ZNF69: variants seen among roughly 807,000 people sequenced by gnomAD.
ZNF69 encodes zinc finger protein 69.
A neutral mutation model predicts 50.9 loss-of-function variants in ZNF69; 47 were observed. That is an observed-to-expected ratio of 0.92 (90% CI 0.73 to 1.18). The LOEUF (loss-of-function observed/expected upper bound fraction) is 1.18. Ranked by LOEUF, ZNF69 falls within the 50% of genes most tolerant of loss-of-function variation. The pLI, the probability that ZNF69 is intolerant of heterozygous loss-of-function variation, is 0.00. For synonymous variants in ZNF69, 216 were observed against 223.1 expected (o/e 0.97, Z 0.29); for missense variants, 717 against 675.1 (o/e 1.06, Z -0.69).
chr19:11,973,429 G>T, the ZNF69 span, among the ~76,000 whole-genome samples: 2 of 151,848 alleles, frequency 1.3e-5, no homozygotes, highest in Non-Finnish European at 2.9e-5. Flanking sequence ...TGAGAGACAG[G>T]GTCTCAAACT....
At chr19:11,967,861 G>T in the ZNF69 span, among the ~76,000 whole-genome samples, 2 of 152,210 alleles carry the variant, frequency 1.3e-5, no homozygotes, top group Non-Finnish European at 2.9e-5. Context: ...GTGCCTACGT[G>T]CATGTGGGCT....
At chr19:11,896,280 G>C (rs931800005) in intron 1 of ZNF69, among the ~76,000 whole-genome samples, 6 of 146,390 alleles carry the variant, frequency 4.1e-5, no homozygotes, top group African/African-American at 1.5e-4. Context: ...TTTTCCATTG[G>C]TCTATCTTTC....
chr19:11,942,549 C>T, the ZNF69 span, among the ~76,000 whole-genome samples: 5 of 152,124 alleles, frequency 3.3e-5, no homozygotes, highest in East Asian at 1.9e-4. Flanking sequence ...AGCAGACTTG[C>T]GTCTTAAAAA....
At chr19:11,943,366 G>A in the ZNF69 span, among the ~76,000 whole-genome samples, 16 of 152,150 alleles carry the variant, frequency 1.1e-4, no homozygotes, top group Non-Finnish European at 2.1e-4. Flanking sequence ...TTGATAGATA[G>A]CATTTTTCAT....
At chr19:11,924,967 A>G in the ZNF69 span, 1 of 445,486 alleles carries the variant, frequency 2.2e-6, no homozygotes. Context: ...AGAATCCGTC[A>G]GTCTGGCTCT....
intron 1 of ZNF69, among the ~76,000 whole-genome samples, chr19:11,890,114 G>A (rs1475627977): frequency 6.6e-6 from 1 of 152,196 alleles, no homozygotes; most frequent in Non-Finnish European, 1.5e-5. Context: ...ACGAGCAGGA[G>A]ACAGAAGCCT....
chr19:11,925,168 C>G, the ZNF69 span: 1 of 1,608,656 alleles, frequency 6.2e-7, no homozygotes, highest in East Asian at 2.2e-5. Context: ...CGAGAGGGAC[C>G]TGGTGCCTGT....
the ZNF69 span, among the ~76,000 whole-genome samples, chr19:11,964,300 C>T: frequency 1.3e-5 from 2 of 152,182 alleles, no homozygotes; most frequent in Non-Finnish European, 2.9e-5. Flanking sequence ...TGTTGTACCT[C>T]TGGAGCCTGG....
chr19:11,905,392 A>G lies in ZNF69; in HGVS notation c.995A>G (p.Tyr332Cys), dbSNP rs769352015. The change falls in exon 4 of 4, where the codon TAT (tyrosine) becomes TGT (cysteine). Residue 332 changes from tyrosine to cysteine, a missense_variant. Transcript: ENST00000429654. The part of the protein sequence containing the change: ...HERTHSRKKP[Y>C]ECTQCGKALS... ...AGGACCCACTCTAGGAAAAAACCCT[A>G]TGAATGTACGCAGTGTGGGAAAGCA... 3 of 1,614,110 alleles carry G rather than the reference A, an allele frequency of 1.9e-6. No homozygotes were observed. The highest frequency in any genetic ancestry group is 2.7e-5 in the African/African-American group (2 of 74,944).
chr19:11,975,124 G>A, the ZNF69 span, among the ~76,000 whole-genome samples: 1 of 150,728 alleles, frequency 6.6e-6, no homozygotes, highest in Admixed American at 6.6e-5. Flanking sequence ...TTGAGACTGA[G>A]TGTTACTGTT....
At chr19:11,889,612 C>G (rs764572987) in intron 1 of ZNF69, among the ~76,000 whole-genome samples, 1 of 152,282 alleles carries the variant, frequency 6.6e-6, no homozygotes, top group Admixed American at 6.5e-5. Context: ...ATTACAGGCA[C>G]GCACCTGAAG....
chr19:11,962,983 G>A, the ZNF69 span, among the ~76,000 whole-genome samples: 4 of 152,048 alleles, frequency 2.6e-5, no homozygotes, highest in Non-Finnish European at 5.9e-5. Context: ...CTTATGTGGC[G>A]GAATGATCCA....
chr19:11,949,631 A>G, the ZNF69 span: 2 of 1,613,994 alleles, frequency 1.2e-6, no homozygotes, highest in Non-Finnish European at 1.7e-6. Context: ...GAGAAACCCT[A>G]TGAATGCAAC....
At chr19:11,928,396 C>T in the ZNF69 span, among the ~76,000 whole-genome samples, 1 of 152,166 alleles carries the variant, frequency 6.6e-6, no homozygotes, top group Non-Finnish European at 1.5e-5. Flanking sequence ...ATTTAACATT[C>T]CATCTGAAGA....
At chr19:11,896,082 G>A (rs1252663832) in intron 1 of ZNF69, among the ~76,000 whole-genome samples, 1 of 151,880 alleles carries the variant, frequency 6.6e-6, no homozygotes, top group Non-Finnish European at 1.5e-5. Flanking sequence ...AGTCAAGCGT[G>A]ATGGTGCATG....
chr19:11,917,259 G>A (rs1358699303), downstream of ZNF69, among the ~76,000 whole-genome samples: 1 of 152,174 alleles, frequency 6.6e-6, no homozygotes, highest in Non-Finnish European at 1.5e-5. Flanking sequence ...TTGATGTCAG[G>A]CAAAAAGACA....
the ZNF69 span, among the ~76,000 whole-genome samples, chr19:11,921,477 G>C: frequency 6.7e-6 from 1 of 150,002 alleles, no homozygotes; most frequent in Non-Finnish European, 1.5e-5. Context: ...CCCTGAAATG[G>C]AAAATTTCTT....
At chr19:11,935,133 A>G in the ZNF69 span, among the ~76,000 whole-genome samples, 284 of 125,436 alleles carry the variant, frequency 2.3e-3, 3 homozygotes, top group Middle Eastern at 0.012. Context: ...CCGAGATGGC[A>G]CCACTGCACT....
chr19:11,978,943 A>T, the ZNF69 span: 2 of 1,614,232 alleles, frequency 1.2e-6, no homozygotes, highest in Non-Finnish European at 1.7e-6. Flanking sequence ...GAGAAGCCTT[A>T]TCAATGTAAG....
Sources: gnomAD v4.1 joint callset for allele counts (sites outside exome capture counted in the v4.1 genomes callset) on GRCh38, gnomAD v4.1.1 for gene constraint, MANE v1.5 for transcripts, NCBI Gene and HGNC (gene_info 2026-07-23, HGNC 2026-07-21) for gene names.